Variants in WASL observed in about 807,000 individuals in gnomAD.
The protein encoded by WASL is WASP like actin nucleation promoting factor, also known as actin nucleation-promoting factor WASL.
Under a neutral mutation model 55.5 loss-of-function variants are expected in WASL, and 20 were observed. That is an observed-to-expected ratio of 0.36 (90% CI 0.25 to 0.52). The LOEUF (loss-of-function observed/expected upper bound fraction) is 0.52, where lower values mean the gene tolerates loss of function less well. Ranked by LOEUF, WASL falls within the 20% of genes least tolerant of loss-of-function variation. The pLI is 0.92. For missense variants in WASL, 504 were observed against 622.5 expected (o/e 0.81, Z 2.03); for synonymous variants, 249 against 217.6 (o/e 1.14, Z -1.27).
chr7:123,696,483 C>A (rs1171360416), intron 6 of WASL, 96 bp downstream of exon 6: 1 of 1,278,346 alleles, frequency 7.8e-7, no homozygotes, highest in Non-Finnish European at 1.0e-6. Flanking sequence ...ACACACCCTC[C>A]CGAAAAGAGA....
chr7:123,741,773 C>A (rs1387482610), intron 1 of WASL, among the ~76,000 whole-genome samples: 1 of 152,042 alleles, frequency 6.6e-6, no homozygotes, highest in African/African-American at 2.4e-5. Context: ...TTTTAAAAAT[C>A]TTACTATAGA....
rs909781100 is a variant in WASL at position 123,682,767 on chromosome 7, T to C, written c.*1752A>G. On this transcript the variant is annotated 3_prime_UTR_variant, in exon 11 of 11. Transcript: ENST00000223023. ...GTTGTCCAGCCTCATCTGCACCAGATTGACTGAGCTCAAGCCACAATAAAA... is the reference window on the plus strand; with the variant it reads ...GTTGTCCAGCCTCATCTGCACCAGACTGACTGAGCTCAAGCCACAATAAAA... 8 of 152,150 alleles carry C rather than the reference T, an allele frequency of 5.3e-5. No individual in the cohort carries two copies. Among genetic ancestry groups the C allele is most frequent in the South Asian group, 4.1e-4 (2 of 4,832 alleles). 9.4% of individuals were successfully genotyped at this position (152,150 alleles called of 1,614,324 possible). A position where few individuals can be genotyped will look rare whatever the true frequency, so the allele number is the denominator to read the frequency against.
intron 9 of WASL, among the ~76,000 whole-genome samples, chr7:123,689,504 T>TCATGTTATAAA (rs1328920910): frequency 6.6e-6 from 1 of 152,182 alleles, no homozygotes; most frequent in African/African-American, 2.4e-5. Context: ...TCAAGGGATT[T>TCATGTTATAAA]CATGTTATAA....
At chr7:123,696,829 T>G in intron 5 of WASL, 82 bp from the exon 6 acceptor site, 1 of 977,734 alleles carries the variant, frequency 1.0e-6, no homozygotes, top group Non-Finnish European at 1.4e-6. Flanking sequence ...TTAAATACTT[T>G]TTCTGAAATA....
chr7:123,742,592 G>A (rs1360795397), intron 1 of WASL, among the ~76,000 whole-genome samples: 1 of 152,012 alleles, frequency 6.6e-6, no homozygotes, highest in East Asian at 1.9e-4. Context: ...ATTCTAGATG[G>A]AATTGGTTAA....
At chr7:123,729,495 G>A (rs1001020799) in intron 1 of WASL, among the ~76,000 whole-genome samples, 4 of 152,154 alleles carry the variant, frequency 2.6e-5, no homozygotes, top group African/African-American at 4.8e-5. Context: ...TCAAAGTCTC[G>A]CAGCTGTGTA....
intron 1 of WASL, among the ~76,000 whole-genome samples, chr7:123,736,711 A>C (rs1334089315): frequency 5.3e-5 from 8 of 152,186 alleles, no homozygotes; most frequent in Admixed American, 5.2e-4. Context: ...TGTATATATA[A>C]GAAAAGTATA....
intron 1 of WASL, among the ~76,000 whole-genome samples, chr7:123,720,875 G>A (rs745579474): frequency 1.3e-5 from 2 of 150,500 alleles, no homozygotes; most frequent in African/African-American, 2.4e-5. Context: ...ATATATACAC[G>A]TTAAAAAAAA....
chr7:123,728,456 C>G (rs1043442660), intron 1 of WASL, among the ~76,000 whole-genome samples: 2 of 152,276 alleles, frequency 1.3e-5, no homozygotes, highest in African/African-American at 4.8e-5. Flanking sequence ...AACAACAACC[C>G]AACAACTGTC....
chr7:123,748,666 G>T lies in WASL; in HGVS notation c.69C>A (p.Thr23=). 1.2e-6 allele frequency: 2 copies of T among 1,613,048 alleles called. No homozygotes were observed. The highest frequency in any genetic ancestry group is 1.7e-6 in the Non-Finnish European group (2 of 1,179,558). Residue 23 remains threonine (T), a synonymous_variant, in exon 1 of 11, where the codon ACC becomes ACA. Coordinates refer to ENST00000223023, the MANE Select transcript of WASL (RefSeq NM_003941.4). ...RVTNVGSLLL[T]PQENESLFTF... ...TGAAGAGGGACTCGTTCTCCTGCGG[G>T]GTGAGCAACAGGGACCCCACGTTGG...
chr7:123,728,822 T>C (rs561881316), intron 1 of WASL, among the ~76,000 whole-genome samples: 4 of 152,256 alleles, frequency 2.6e-5, no homozygotes, highest in Non-Finnish European at 4.4e-5. Context: ...GGCAACTCCA[T>C]TATACATAAC....
intron 1 of WASL, among the ~76,000 whole-genome samples, chr7:123,711,808 T>G (rs1248251246): frequency 6.6e-6 from 1 of 152,122 alleles, no homozygotes; most frequent in African/African-American, 2.4e-5. Context: ...TAAGAACAAG[T>G]GCTTAGGAAG....
At chr7:123,740,415 G>A (rs542062659) in intron 1 of WASL, among the ~76,000 whole-genome samples, 4 of 151,892 alleles carry the variant, frequency 2.6e-5, no homozygotes, top group South Asian at 4.2e-4. Context: ...TATAACTCTC[G>A]AATACTTCTG....
rs562454279 is a variant in WASL, at chr7:123,690,277, T to C, written c.1348-1127A>G. ...AAGTGCTTACTTGAACAAAGTACTA[T>C]TTGAGGTACTAAAACCATGGAATTC... On this transcript the variant is annotated intron_variant, in intron 9 of 10. Transcript: ENST00000223023. Among the ~76,000 whole-genome samples, 3 of 152,316 alleles carry C rather than the reference T, an allele frequency of 2.0e-5. No individual in the cohort carries two copies. In the East Asian group the frequency reaches 5.8e-4, roughly 29 times the overall value.
intron 1 of WASL, among the ~76,000 whole-genome samples, chr7:123,727,353 T>TCACACACA (rs150375537): frequency 0.048 from 7,108 of 147,760 alleles, 247 homozygotes; most frequent in African/African-American, 0.097. Flanking sequence ...AAAATATGTG[T>TCACACACA]CACACACACA....
chr7:123,704,542 T>C (rs533498122), intron 5 of WASL, 92 bp downstream of exon 5: 1 of 1,009,274 alleles, frequency 9.9e-7, no homozygotes, highest in Admixed American at 2.4e-5. Flanking sequence ...ATGTAAAAGA[T>C]ACTAAATATT....
intron 9 of WASL, among the ~76,000 whole-genome samples, chr7:123,690,195 T>C (rs1208212687): frequency 1.3e-5 from 2 of 152,158 alleles, no homozygotes; most frequent in African/African-American, 2.4e-5. Context: ...AATGTGATAA[T>C]GTAAAGCAGA....
At chr7:123,706,910 A>C (rs1248427208) in intron 2 of WASL, 84 bp from the exon 3 acceptor site, 1 of 739,722 alleles carries the variant, frequency 1.4e-6, no homozygotes, top group Non-Finnish European at 2.1e-6. Context: ...CATATTAAGA[A>C]AACTGTTTAT....
chr7:123,686,832 T>G (rs1440027354), intron 10 of WASL, among the ~76,000 whole-genome samples: 1 of 152,112 alleles, frequency 6.6e-6, no homozygotes, highest in East Asian at 1.9e-4. Context: ...GGCTAAGAAT[T>G]TAGGTAATTT....
Sources: gnomAD v4.1 joint callset for allele counts (sites outside exome capture counted in the v4.1 genomes callset) on GRCh38, gnomAD v4.1.1 for gene constraint, MANE v1.5 for transcripts, NCBI Gene and HGNC (gene_info 2026-07-23, HGNC 2026-07-21) for gene names.